Variants in MRPL1 observed in about 807,000 individuals in gnomAD.
The protein encoded by MRPL1 is mitochondrial ribosomal protein L1, also known as large ribosomal subunit protein uL1m.
A neutral mutation model predicts 38.0 loss-of-function variants in MRPL1; 28 were observed. The observed-to-expected ratio is 0.74, with a 90% CI of 0.55 to 1.01. The LOEUF (loss-of-function observed/expected upper bound fraction) is 1.01, where lower values mean the gene tolerates loss of function less well. MRPL1 is among the 50% of genes least tolerant of loss of function. The pLI, the probability that MRPL1 is intolerant of heterozygous loss-of-function variation, is 0.00. For synonymous variants in MRPL1, 123 were observed against 126.7 expected (o/e 0.97, Z 0.20); for missense variants, 358 against 389.8 (o/e 0.92, Z 0.69).
At chr4:77,919,985 A>G (rs1736527541) in intron 7 of MRPL1, among the ~76,000 whole-genome samples, 1 of 152,112 alleles carries the variant, frequency 6.6e-6, no homozygotes, top group African/African-American at 2.4e-5. Context: ...AATTCTAACT[A>G]AAAAATCTTT....
intron 7 of MRPL1, among the ~76,000 whole-genome samples, chr4:77,921,008 G>A (rs1483978188): frequency 1.3e-5 from 2 of 152,054 alleles, no homozygotes; most frequent in African/African-American, 4.8e-5. Flanking sequence ...ATCTGCCCAC[G>A]GTCGCCTCCC....
intron 7 of MRPL1, among the ~76,000 whole-genome samples, chr4:77,926,753 C>T (rs1374011037): frequency 1.3e-5 from 2 of 151,808 alleles, no homozygotes; most frequent in Admixed American, 6.6e-5. Flanking sequence ...GGACCACAGG[C>T]GCATGCCACC....
Position 77,891,636 on chromosome 4 carries a change from G to A in MRPL1, c.559-2503G>A, listed in dbSNP as rs993693272. ...CTCCCAAAATGTTGGGATTATAGGC[G>A]TGAGCCACTGCTCCCAGCCAAGACA... On this transcript the variant is annotated intron_variant, in intron 5 of 8. Coordinates refer to ENST00000315567, the MANE Select transcript of MRPL1 (RefSeq NM_020236.4). Among the ~76,000 whole-genome samples the A allele has an allele frequency of 3.9e-5, 6 of 152,312 alleles. 1 individual carries two copies. Among genetic ancestry groups the A allele is most frequent in the African/African-American group, 1.4e-4 (6 of 41,566 alleles).
At chr4:77,915,744 G>T (rs1736409428) in intron 7 of MRPL1, among the ~76,000 whole-genome samples, 1 of 152,094 alleles carries the variant, frequency 6.6e-6, no homozygotes. Flanking sequence ...CCTACCATTT[G>T]TATCTGTAAC....
chr4:77,902,426 T>C, intron 6 of MRPL1, among the ~76,000 whole-genome samples: 1 of 147,828 alleles, frequency 6.8e-6, no homozygotes, highest in East Asian at 1.9e-4. Context: ...AAAGAATGGG[T>C]TAAAATCATT....
At chr4:77,913,328 A>G (rs1055743511) in intron 7 of MRPL1, among the ~76,000 whole-genome samples, 1 of 152,174 alleles carries the variant, frequency 6.6e-6, no homozygotes, top group African/African-American at 2.4e-5. Flanking sequence ...AAACTACCCA[A>G]TTTTAAAAAT....
intron 5 of MRPL1, among the ~76,000 whole-genome samples, chr4:77,890,452 ACT>A (rs1332206680): frequency 6.6e-6 from 1 of 152,076 alleles, no homozygotes; most frequent in Non-Finnish European, 1.5e-5. Flanking sequence ...CATGCTAAAA[ACT>A]CTCAATAAAC....
intron 7 of MRPL1, among the ~76,000 whole-genome samples, chr4:77,926,276 G>A (rs2110256970): frequency 6.6e-6 from 1 of 152,274 alleles, no homozygotes; most frequent in East Asian, 1.9e-4. Context: ...AGTTGAAACT[G>A]AAAATAAGGA....
At chr4:77,924,730 T>C (rs1736671395) in intron 7 of MRPL1, among the ~76,000 whole-genome samples, 2 of 152,236 alleles carry the variant, frequency 1.3e-5, no homozygotes, top group Non-Finnish European at 2.9e-5. Flanking sequence ...CTATTCATTT[T>C]ACTTTGTACA....
intron 2 of MRPL1, among the ~76,000 whole-genome samples, chr4:77,872,631 G>A (rs1344609659): frequency 1.3e-5 from 2 of 152,136 alleles, no homozygotes; most frequent in African/African-American, 2.4e-5. Flanking sequence ...TTGGGAGGCC[G>A]AGGCGGGTGG....
chr4:77,934,357 A>G (rs1443240218), intron 7 of MRPL1, among the ~76,000 whole-genome samples: 1 of 152,180 alleles, frequency 6.6e-6, no homozygotes, highest in African/African-American at 2.4e-5. Context: ...CAATAATAGA[A>G]AGATAAATAA....
intron 3 of MRPL1, 71 bp downstream of exon 3, chr4:77,883,571 T>C: frequency 7.2e-7 from 1 of 1,385,194 alleles, no homozygotes; most frequent in Non-Finnish European, 9.7e-7. Context: ...CTTTATTTTA[T>C]TTTATTGTTA....
intron 7 of MRPL1, among the ~76,000 whole-genome samples, chr4:77,924,545 C>T (rs1736664069): frequency 6.6e-6 from 1 of 152,184 alleles, no homozygotes; most frequent in Non-Finnish European, 1.5e-5. Flanking sequence ...GACCCCTTCT[C>T]ACAAAGCAGT....
intron 4 of MRPL1, among the ~76,000 whole-genome samples, chr4:77,886,617 G>A (rs559409332): frequency 5.1e-4 from 77 of 151,944 alleles, no homozygotes; most frequent in African/African-American, 1.7e-3. Flanking sequence ...ACAGGCGTGA[G>A]CCACCATACC....
At chr4:77,943,947 G>C (rs1476277279) in intron 7 of MRPL1, among the ~76,000 whole-genome samples, 1 of 152,104 alleles carries the variant, frequency 6.6e-6, no homozygotes, top group African/African-American at 2.4e-5. Context: ...CTTTTAGGGG[G>C]ATGTTTAAGA....
intron 7 of MRPL1, among the ~76,000 whole-genome samples, chr4:77,935,882 A>G (rs969959081): frequency 6.6e-6 from 1 of 151,134 alleles, no homozygotes; most frequent in African/African-American, 2.4e-5. Flanking sequence ...CAGTGAGCCA[A>G]GATTGCGCCA....
chr4:77,915,634 C>G (rs2110251100), intron 7 of MRPL1, among the ~76,000 whole-genome samples: 1 of 152,132 alleles, frequency 6.6e-6, no homozygotes, highest in Non-Finnish European at 1.5e-5. Flanking sequence ...GGCTGGTCTC[C>G]AACTCCTGGG....
At chr4:77,941,124 G>A (rs968584131) in intron 7 of MRPL1, among the ~76,000 whole-genome samples, 1 of 152,112 alleles carries the variant, frequency 6.6e-6, no homozygotes, top group African/African-American at 2.4e-5. Context: ...AATTAGCCGG[G>A]CGTGGTGGCA....
chr4:77,909,119 AC>A (rs1553906332), intron 6 of MRPL1, 146 bp from the exon 7 acceptor site: 3 of 155,810 alleles, frequency 1.9e-5, no homozygotes, highest in Admixed American at 1.7e-4. Context: ...ATGAATGTGA[AC>A]ACCAGGAAAC....
Sources: allele counts gnomAD v4.1 joint callset (sites outside exome capture counted in the v4.1 genomes callset), GRCh38; gene constraint gnomAD v4.1.1; transcripts MANE v1.5; gene names NCBI Gene and HGNC (gene_info 2026-07-23, HGNC 2026-07-21).